POU1F1: variants seen among roughly 807,000 people sequenced by gnomAD.
The protein encoded by POU1F1 is POU class 1 homeobox 1, also known as pituitary-specific positive transcription factor 1.
In POU1F1, 23 loss-of-function variants were observed where a neutral mutation model predicts 32.3. The ratio of observed to expected loss-of-function variants is 0.71; its 90% CI spans 0.51 to 1.01. POU1F1 has a LOEUF of 1.01. POU1F1 is among the 50% of genes least tolerant of loss of function. The pLI is 0.00. For synonymous variants in POU1F1, 120 were observed against 115.6 expected (o/e 1.04, Z -0.25); for missense variants, 323 against 341.6 (o/e 0.95, Z 0.43).
chr3:87,274,693 C>A (rs1338660562), intron 1 of POU1F1, among the ~76,000 whole-genome samples: 1 of 151,410 alleles, frequency 6.6e-6, no homozygotes, highest in African/African-American at 2.4e-5. Context: ...CTCAAGTGTT[C>A]CCATTAAAGT....
chr3:87,268,162 T>C (rs1200438133), intron 2 of POU1F1, among the ~76,000 whole-genome samples: 1 of 141,536 alleles, frequency 7.1e-6, no homozygotes, highest in Non-Finnish European at 1.5e-5. Context: ...CACTGAAACC[T>C]ATGCCTCCTA....
At chr3:87,273,546 A>C in intron 1 of POU1F1, 128 bp from the exon 2 acceptor site, 1 of 1,482,004 alleles carries the variant, frequency 6.7e-7, no homozygotes, top group Non-Finnish European at 9.1e-7. Context: ...TTATTTCAAA[A>C]ATACACATTT....
At chr3:87,263,939 C>T (rs1320309280) in intron 3 of POU1F1, among the ~76,000 whole-genome samples, 3 of 151,688 alleles carry the variant, frequency 2.0e-5, no homozygotes, top group Non-Finnish European at 4.4e-5. Flanking sequence ...ACAGAAAAAG[C>T]AAGCAGAAGG....
chr3:87,266,329 T>C (rs1351876383), intron 2 of POU1F1, among the ~76,000 whole-genome samples: 3 of 146,990 alleles, frequency 2.0e-5, no homozygotes, highest in Non-Finnish European at 4.5e-5. Context: ...AAATATGTAA[T>C]TATAAATATA....
chr3:87,272,401 CCATTAACTTGT>C, intron 2 of POU1F1, among the ~76,000 whole-genome samples: 1 of 152,028 alleles, frequency 6.6e-6, no homozygotes, highest in East Asian at 1.9e-4. Context: ...TGCGCTGCAC[CCATTAACTTGT>C]CATTTAGCGT....
At chr3:87,260,190 C>G (rs1706483486) in intron 5 of POU1F1, 86 bp from the exon 6 acceptor site, 1 of 1,020,648 alleles carries the variant, frequency 9.8e-7, no homozygotes, top group Non-Finnish European at 1.5e-6. Flanking sequence ...GTTGAATTTC[C>G]TCAATATTAA....
At position 87,260,716 on chromosome 3, in the gene POU1F1, C is replaced by T. The variant is rs1706493213; in HGVS notation, c.665+557G>A. On this transcript the variant is annotated intron_variant, in intron 5 of 5. Transcript: ENST00000350375. ...TAGCTAAAAGGGGAGAAGATATGGC[C>T]AGTCTCTTAGAAATGATTGTTTTCT... 2.0e-5 allele frequency among the ~76,000 whole-genome samples: 3 copies of T among 151,960 alleles called. 1 individual carries two copies. In the South Asian group the frequency reaches 6.2e-4, roughly 32 times the overall value.
chr3:87,275,486 G>T (rs1706809813), intron 1 of POU1F1, among the ~76,000 whole-genome samples: 1 of 151,986 alleles, frequency 6.6e-6, no homozygotes, highest in Non-Finnish European at 1.5e-5. Context: ...TTTAAAACAA[G>T]TGGAAAGTGA....
rs1706829753 is a variant in POU1F1, at chr3:87,276,470, A to G, written c.-8T>C. On this transcript the variant is annotated 5_prime_UTR_variant, in exon 1 of 6. Transcript: ENST00000350375. ...AAAAGCTTGGCAACTCATTCCCACAAGAGAGTAGAAAAATAAGGAGAACCG... is the reference window on the plus strand; with the variant it reads ...AAAAGCTTGGCAACTCATTCCCACAGGAGAGTAGAAAAATAAGGAGAACCG... 6.2e-7 allele frequency: 1 copy of G among 1,613,578 alleles called. No individual in the cohort carries two copies.
chr3:87,266,027 A>G (rs1287612466), intron 2 of POU1F1, among the ~76,000 whole-genome samples: 13 of 150,962 alleles, frequency 8.6e-5, no homozygotes, highest in African/African-American at 4.8e-5. Context: ...AAATGCATCA[A>G]GAGTTCATGC....
At chr3:87,266,867 G>A (rs1030303162) in intron 2 of POU1F1, among the ~76,000 whole-genome samples, 8 of 151,892 alleles carry the variant, frequency 5.3e-5, no homozygotes, top group African/African-American at 1.9e-4. Flanking sequence ...TTGTGCTTAT[G>A]CTTTCAGAAT....
chr3:87,268,031 G>A (rs1168862715), intron 2 of POU1F1, among the ~76,000 whole-genome samples: 1 of 149,130 alleles, frequency 6.7e-6, no homozygotes, highest in Non-Finnish European at 1.5e-5. Context: ...TTGGCATCCA[G>A]AACAAGAAGG....
At chr3:87,270,713 C>T (rs562245548) in intron 2 of POU1F1, among the ~76,000 whole-genome samples, 1 of 152,166 alleles carries the variant, frequency 6.6e-6, no homozygotes, top group South Asian at 2.1e-4. Flanking sequence ...TAAGACTTCT[C>T]AGAAAATTCA....
intron 2 of POU1F1, among the ~76,000 whole-genome samples, chr3:87,271,622 G>T (rs1227309957): frequency 1.3e-5 from 2 of 152,016 alleles, no homozygotes; most frequent in Admixed American, 1.3e-4. Context: ...TGCTGTAAAG[G>T]CCACAGAAAG....
chr3:87,260,865 AT>A (rs199555032), intron 5 of POU1F1, among the ~76,000 whole-genome samples: 15 of 45,392 alleles, frequency 3.3e-4, no homozygotes, highest in African/African-American at 1.2e-3. Flanking sequence ...CATTATTATT[AT>A]TTTTTTTTTA....
At position 87,259,949 on chromosome 3, in the gene POU1F1, G is replaced by T. The variant is rs1156511340; in HGVS notation, c.821C>A (p.Thr274Lys). 1 of 1,614,056 alleles carries T rather than the reference G, an allele frequency of 6.2e-7. No homozygotes were observed. Among genetic ancestry groups the T allele is most frequent in the Admixed American group, 1.7e-5 (1 of 60,010 alleles). The change falls in exon 6 of 6, where the codon ACA (threonine) becomes AAA (lysine). Residue 274 changes from threonine (T) to lysine (K), a missense_variant. Thr to Lys is a moderately conservative substitution (Grantham distance 78). Coordinates refer to ENST00000350375, the MANE Select transcript of POU1F1 (RefSeq NM_000306.4). ...NRRQREKRVK[T>K]SLNQSLFSIS... ...AGAAAATAAACTCTGATTCAGACTT[G>T]TTTTCACCCGTTTTTCTCTCTGCCT...
chr3:87,269,765 C>T (rs560206276), intron 2 of POU1F1, among the ~76,000 whole-genome samples: 1 of 151,940 alleles, frequency 6.6e-6, no homozygotes, highest in Non-Finnish European at 1.5e-5. Context: ...GAGTTTGGGA[C>T]TTAAACAAGT....
Position 87,262,149 on chromosome 3 carries a change from G to A in POU1F1, c.526C>T (p.Leu176=). Residue 176 remains leucine, a synonymous_variant, in exon 4 of 6, where the codon CTG becomes TTG. Transcript: ENST00000350375. ...CATGCATTTTTAAAGCTGAGCTGCA[G>A]ATTTTCAAATCGGCAGATTGTTGTT... is the stretch of plus-strand genomic sequence containing the variant. ...SQTTICRFEN[L]QLSFKNACKL... is the part of the protein sequence containing the mutation. 1 of 1,614,130 alleles carries A rather than the reference G, an allele frequency of 6.2e-7. No individual in the cohort carries two copies. The highest frequency in any genetic ancestry group is 8.5e-7 in the Non-Finnish European group (1 of 1,180,000).
intron 2 of POU1F1, among the ~76,000 whole-genome samples, chr3:87,269,739 CTTGT>C (rs959688871): frequency 3.9e-5 from 6 of 152,018 alleles, no homozygotes; most frequent in African/African-American, 1.4e-4. Flanking sequence ...TGCTCATCAT[CTTGT>C]TTAAGTCCCA....
Sources: allele counts gnomAD v4.1 joint callset (sites outside exome capture counted in the v4.1 genomes callset), GRCh38; gene constraint gnomAD v4.1.1; transcripts MANE v1.5; gene names NCBI Gene and HGNC (gene_info 2026-07-23, HGNC 2026-07-21).